The following AK5 variants were observed in gnomAD, a reference collection of about 807,000 sequenced individuals.
AK5 encodes the protein adenylate kinase isoenzyme 5.
In AK5, 27 loss-of-function variants were observed where a neutral mutation model predicts 69.5. That is an observed-to-expected ratio of 0.39 (90% CI 0.29 to 0.54). The LOEUF (loss-of-function observed/expected upper bound fraction) is 0.54. Among genes scored for constraint, AK5 ranks in the 20% least tolerant of loss-of-function variants. The probability of loss-of-function intolerance (pLI) is 0.71; values close to 1 mark genes in which losing one functional copy is unlikely to be tolerated. For synonymous variants in AK5, 260 were observed against 244.4 expected (o/e 1.06, Z -0.60); for missense variants, 531 against 700.4 (o/e 0.76, Z 2.73).
At chr1:77,337,853 T>G in intron 5 of AK5, among the ~76,000 whole-genome samples, 1 of 152,220 alleles carries the variant, frequency 6.6e-6, no homozygotes, top group East Asian at 1.9e-4. Context: ...TCAAACTCAG[T>G]ATTGTCTGAT....
At position 77,282,201 on chromosome 1, in the gene AK5, G is replaced by T; in HGVS notation, c.-113G>T. 9 of 989,142 alleles carry T rather than the reference G, an allele frequency of 9.1e-6. No homozygotes were observed. In the South Asian group the frequency reaches 1.6e-4, roughly 17 times the overall value. The allele number at this position is 989,142 out of a possible 1,614,324, so 61.3% of individuals were successfully genotyped here. A position where few individuals can be genotyped will look rare whatever the true frequency, so the allele number is the denominator to read the frequency against. ...CTGAGCTGAGTGCGCGTGAGAAAGA[G>T]GGCTGCACCGCTGCTCGGCGCGGAC... On this transcript the variant is annotated 5_prime_UTR_variant, in exon 1 of 14. It adds an upstream start codon to the 5' untranslated region. Transcript: ENST00000354567.
intron 5 of AK5, among the ~76,000 whole-genome samples, chr1:77,298,305 T>A (rs1167205): frequency 6.6e-6 from 1 of 151,960 alleles, no homozygotes; most frequent in East Asian, 1.9e-4. Flanking sequence ...CCTGTACTTA[T>A]ATTCATGCCA....
chr1:77,549,634 A>C (rs1310516923), intron 13 of AK5, among the ~76,000 whole-genome samples: 1 of 152,042 alleles, frequency 6.6e-6, no homozygotes, highest in Admixed American at 6.6e-5. Context: ...TCAATCTACT[A>C]TCTGTCTCCA....
At chr1:77,313,119 C>T (rs918541563) in intron 5 of AK5, among the ~76,000 whole-genome samples, 3 of 151,976 alleles carry the variant, frequency 2.0e-5, no homozygotes, top group African/African-American at 7.3e-5. Context: ...GTTTTTGGTA[C>T]AAGCAAAGTA....
At chr1:77,459,159 T>C (rs1192674441) in intron 8 of AK5, among the ~76,000 whole-genome samples, 1 of 152,180 alleles carries the variant, frequency 6.6e-6, no homozygotes, top group Non-Finnish European at 1.5e-5. Context: ...TTCCACACTT[T>C]TCTCCGAAGG....
chr1:77,329,999 A>T (rs1400722046), intron 5 of AK5, among the ~76,000 whole-genome samples: 1 of 152,200 alleles, frequency 6.6e-6, no homozygotes, highest in East Asian at 1.9e-4. Context: ...AGCAGCAGAC[A>T]GAAAGAAAGA....
At chr1:77,389,641 T>A (rs2100521521) in intron 6 of AK5, among the ~76,000 whole-genome samples, 1 of 152,314 alleles carries the variant, frequency 6.6e-6, no homozygotes, top group South Asian at 2.1e-4. Context: ...ATTTTATGCA[T>A]AATATGACAC....
chr1:77,443,716 TGTGTGTG>T (rs975264877), intron 8 of AK5, among the ~76,000 whole-genome samples: 1 of 151,670 alleles, frequency 6.6e-6, no homozygotes, highest in African/African-American at 2.4e-5. Context: ...TGTGTGTGTG[TGTGTGTG>T]TTCAACTGAA....
At chr1:77,510,761 A>G (rs1278728199) in intron 10 of AK5, among the ~76,000 whole-genome samples, 1 of 152,100 alleles carries the variant, frequency 6.6e-6, no homozygotes, top group Non-Finnish European at 1.5e-5. Flanking sequence ...TAAAGTGTCT[A>G]TTATATTTCA....
At chr1:77,391,495 GTA>G (rs753916010) in intron 6 of AK5, among the ~76,000 whole-genome samples, 2,450 of 63,242 alleles carry the variant, frequency 0.039, 73 homozygotes, top group African/African-American at 0.089. Context: ...GTGTGTGTGT[GTA>G]TATATATATA....
At chr1:77,394,666 T>C (rs1303244065) in intron 6 of AK5, among the ~76,000 whole-genome samples, 1 of 152,198 alleles carries the variant, frequency 6.6e-6, no homozygotes, top group African/African-American at 2.4e-5. Flanking sequence ...TTAATATAAA[T>C]GGCCACACAG....
intron 6 of AK5, among the ~76,000 whole-genome samples, chr1:77,355,868 TACACACACACACACACACACACAC>T (rs66682700): frequency 6.8e-6 from 1 of 146,158 alleles, no homozygotes; most frequent in Admixed American, 6.9e-5. Context: ...CCTCATTAAA[TACACACACACACACACACACACAC>T]ACACACACAC....
chr1:77,419,041 A>G (rs544609937), intron 8 of AK5, among the ~76,000 whole-genome samples: 2 of 75,018 alleles, frequency 2.7e-5, no homozygotes, highest in African/African-American at 4.8e-5. Flanking sequence ...TATTATCTCT[A>G]TATCACAGAC....
At chr1:77,323,156 T>C (rs1315915494) in intron 5 of AK5, among the ~76,000 whole-genome samples, 1 of 151,726 alleles carries the variant, frequency 6.6e-6, no homozygotes, top group South Asian at 2.1e-4. Flanking sequence ...GCCCGGCTAA[T>C]TTTTTTTGTA....
intron 5 of AK5, among the ~76,000 whole-genome samples, chr1:77,319,840 T>C (rs928973071): frequency 6.6e-6 from 1 of 152,238 alleles, no homozygotes; most frequent in Non-Finnish European, 1.5e-5. Flanking sequence ...TATAAGCACA[T>C]TGCATTCTGT....
In AK5 at chr1:77,340,419, C is replaced by G; in HGVS notation, c.742C>G (p.Gln248Glu). Reference protein sequence around the residue: ...DLVVFLACANQRLKERLLKRA... With the variant: ...DLVVFLACANERLKERLLKRA... ...GGTGGTATTCCTGGCTTGTGCTAAT[C>G]AGAGACTCAAAGAAAGATTACTGAA... Residue 248 changes from glutamine (Q) to glutamate (E), a missense_variant, in exon 6 of 14, where the codon CAG (glutamine) becomes GAG (glutamate). Gln to Glu is a conservative substitution (Grantham distance 29, BLOSUM62 2). Transcript: ENST00000354567. 6.2e-7 allele frequency: 1 copy of G among 1,614,060 alleles called. No individual in the cohort carries two copies. The highest frequency in any genetic ancestry group is 8.5e-7 in the Non-Finnish European group (1 of 1,179,952).
In AK5 at chr1:77,552,876, A is replaced by G. The variant is rs1033269002; in HGVS notation, c.1621-5726A>G. Among the ~76,000 whole-genome samples the G allele has an allele frequency of 2.0e-5, 3 of 152,128 alleles. No homozygotes were observed. The South Asian group carries it at 6.2e-4, about 32-fold the overall frequency. ...AACATAGCAAGACCCCATCTCTACA[A>G]AAACATACAAAAAATTAGCTGGGCA... On this transcript the variant is annotated intron_variant, in intron 13 of 13. Transcript: ENST00000354567.
At chr1:77,368,233 A>G (rs796197032) in intron 6 of AK5, among the ~76,000 whole-genome samples, 851 of 12,684 alleles carry the variant, frequency 0.067, 71 homozygotes, top group East Asian at 0.25. Context: ...ATATATATAT[A>G]TATATATATA....
intron 6 of AK5, among the ~76,000 whole-genome samples, chr1:77,389,967 GA>G (rs921521617): frequency 2.8e-4 from 41 of 148,556 alleles, no homozygotes; most frequent in Middle Eastern, 3.4e-3. Context: ...GTCTCAAAAA[GA>G]AAAAAAAAAT....
Sources: gnomAD v4.1 joint callset for allele counts (sites outside exome capture counted in the v4.1 genomes callset) on GRCh38, gnomAD v4.1.1 for gene constraint, MANE v1.5 for transcripts, NCBI Gene and HGNC (gene_info 2026-07-23, HGNC 2026-07-21) for gene names.